TENM4: variants seen among roughly 807,000 people sequenced by gnomAD.
TENM4 encodes teneurin-4.
In TENM4, 82 loss-of-function variants were observed where a neutral mutation model predicts 243.3. The ratio of observed to expected loss-of-function variants is 0.34; its 90% CI spans 0.28 to 0.40. TENM4 has a LOEUF of 0.40. Ranked by LOEUF, TENM4 falls within the 10% of genes least tolerant of loss-of-function variation. The pLI is 1.00. For missense variants in TENM4, 3,138 were observed against 3,673.3 expected, an observed-to-expected ratio of 0.85 and a Z score of 3.77; for synonymous variants, 1,412 against 1,456.3, an observed-to-expected ratio of 0.97 and a Z score of 0.69.
intron 6 of TENM4, among the ~76,000 whole-genome samples, chr11:78,953,514 T>C (rs1857147333): frequency 6.6e-6 from 1 of 152,168 alleles, no homozygotes; most frequent in Non-Finnish European, 1.5e-5. Context: ...ATCCATATTT[T>C]CTCATTTATA....
rs2135670560 is a variant in TENM4 at position 78,669,782 on chromosome 11, T to C, written c.6563A>G (p.Asn2188Ser). The change falls in exon 32 of 34, where the codon AAT becomes AGT. Residue 2188 changes from asparagine (N) to serine (S), a missense_variant. Transcript: ENST00000278550. This position sits in a 1 kb window ranked among gnomAD's most constrained non-coding sequence, Gnocchi z 6.4. The stretch of plus-strand genomic sequence containing the variant: ...ATACTCATAGGAGTAGCGAGTGGTA[T>C]TGGCGTAGGGTCCTACCTTCAGCTC... ...KKELKVGPYANTTRYSYEYDA... is the reference protein window; with the variant it reads ...KKELKVGPYASTTRYSYEYDA... 6.2e-7 allele frequency: 1 copy of C among 1,613,954 alleles called. No individual in the cohort carries two copies. The highest frequency in any genetic ancestry group is 8.5e-7 in the Non-Finnish European group (1 of 1,179,886).
chr11:78,763,721 C>A (rs917103791), intron 18 of TENM4, among the ~76,000 whole-genome samples: 1 of 152,200 alleles, frequency 6.6e-6, no homozygotes. Context: ...GCCATGAGAC[C>A]TTGGGCACAC....
At chr11:78,878,275 G>A (rs1305847768) in intron 9 of TENM4, among the ~76,000 whole-genome samples, 4 of 152,026 alleles carry the variant, frequency 2.6e-5, no homozygotes, top group African/African-American at 4.8e-5. Context: ...CGCCAGACCC[G>A]GCACAAGAAG....
At chr11:79,158,896 C>T (rs962730782) in intron 3 of TENM4, among the ~76,000 whole-genome samples, 7 of 152,134 alleles carry the variant, frequency 4.6e-5, no homozygotes, top group Non-Finnish European at 8.8e-5. Context: ...CCTCCTCAGA[C>T]CATCACCTCT....
At chr11:78,845,173 G>A (rs868205136) in intron 12 of TENM4, among the ~76,000 whole-genome samples, 5 of 152,274 alleles carry the variant, frequency 3.3e-5, no homozygotes, top group Admixed American at 6.5e-5. Flanking sequence ...TGGTTCTCCC[G>A]ATTGATTATA....
At chr11:78,729,726 G>A (rs937644888) in intron 21 of TENM4, 83 bp from the exon 22 acceptor site, 11 of 1,501,108 alleles carry the variant, frequency 7.3e-6, no homozygotes, top group Admixed American at 2.1e-5. Context: ...CATGGACTCT[G>A]GGTGTTCAGG....
chr11:79,319,665 T>C (rs1856856532), intron 1 of TENM4, among the ~76,000 whole-genome samples: 3 of 151,994 alleles, frequency 2.0e-5, no homozygotes, highest in Admixed American at 2.0e-4. Flanking sequence ...TTTTCCTTTA[T>C]CCAGACGATA....
chr11:79,371,639 C>T (rs1397156521), intron 1 of TENM4, among the ~76,000 whole-genome samples: 1 of 152,198 alleles, frequency 6.6e-6, no homozygotes, highest in Non-Finnish European at 1.5e-5. Flanking sequence ...TAGCCATGCC[C>T]CTCCCCAGGT....
chr11:78,799,714 T>TA (rs1857241524), intron 15 of TENM4, among the ~76,000 whole-genome samples: 1 of 152,304 alleles, frequency 6.6e-6, no homozygotes, highest in Admixed American at 6.5e-5. Context: ...ACTGAATCTC[T>TA]AAAACATCTC....
At chr11:79,386,020 T>C (rs1002269030) in intron 1 of TENM4, among the ~76,000 whole-genome samples, 4 of 152,266 alleles carry the variant, frequency 2.6e-5, no homozygotes, top group Admixed American at 1.3e-4. Flanking sequence ...ACTCAAATTC[T>C]TTCTATTATA....
intron 9 of TENM4, among the ~76,000 whole-genome samples, chr11:78,865,585 G>A (rs1422071767): frequency 1.3e-5 from 2 of 152,112 alleles, no homozygotes; most frequent in East Asian, 3.9e-4. Flanking sequence ...CACTGATGGT[G>A]GTTTTGAGGG....
At chr11:79,159,827 T>C (rs949678624) in intron 3 of TENM4, among the ~76,000 whole-genome samples, 7 of 152,218 alleles carry the variant, frequency 4.6e-5, no homozygotes, top group African/African-American at 1.7e-4. Context: ...CATTTACAGA[T>C]GCCTTCCACT....
intron 9 of TENM4, among the ~76,000 whole-genome samples, chr11:78,873,598 T>C (rs1013899418): frequency 6.6e-6 from 1 of 152,332 alleles, no homozygotes; most frequent in African/African-American, 2.4e-5. Flanking sequence ...GGTATCAAGC[T>C]GTGAAAATGT....
chr11:79,396,104 T>C (rs116914487), intron 1 of TENM4, among the ~76,000 whole-genome samples: 1,631 of 152,274 alleles, frequency 0.011, 11 homozygotes, highest in Middle Eastern at 0.034. Flanking sequence ...TTCCCATCCA[T>C]CTCTAGTACT....
intron 4 of TENM4, among the ~76,000 whole-genome samples, chr11:79,138,560 TACATAAAACATATATTTATATA>T (rs1862169658): frequency 3.8e-5 from 1 of 26,056 alleles, no homozygotes; most frequent in African/African-American, 1.9e-4. Flanking sequence ...TTTATATAAA[TACATAAAACATATATTTATATA>T]AATACATAAA....
At chr11:78,903,903 G>C in intron 6 of TENM4, 1 of 512,070 alleles carries the variant, frequency 2.0e-6, no homozygotes, top group South Asian at 1.6e-5. Context: ...GAACTTGTTA[G>C]AGATGAAAAT....
rs201932262 is a variant in TENM4, at chr11:79,421,901, G to T, written c.-321+18608C>A. Among the ~76,000 whole-genome samples, 5 of 152,160 alleles carry T rather than the reference G, an allele frequency of 3.3e-5. No homozygotes were observed. The East Asian group carries it at 9.7e-4, about 29-fold the overall frequency. ...CCTGTTGTCGGGGTGGTTTAGAGCT[G>T]CCAATCATCACCCCCTTCAATGAGG... On this transcript the variant is annotated intron_variant, in intron 1 of 33. Coordinates refer to ENST00000278550, the MANE Select transcript of TENM4 (RefSeq NM_001098816.3).
intron 9 of TENM4, among the ~76,000 whole-genome samples, chr11:78,870,461 A>G (rs1340621292): frequency 1.3e-5 from 2 of 152,200 alleles, no homozygotes; most frequent in Non-Finnish European, 2.9e-5. Context: ...TTTTAAAAGC[A>G]TGATTGCTAT....
rs1259855872 is a variant in TENM4, at chr11:79,107,721, T to C, written c.-65-37712A>G. ...TAGTCACTTCACTGAGGCATGGATG[T>C]GTCTAATGCCCTTGATGCCACACGC... On this transcript the variant is annotated intron_variant, in intron 4 of 33. Transcript: ENST00000278550. 2.6e-5 allele frequency among the ~76,000 whole-genome samples: 4 copies of C among 152,242 alleles called. No individual in the cohort carries two copies. In the East Asian group the frequency reaches 7.7e-4, roughly 29 times the overall value.
Sources: allele counts gnomAD v4.1 joint callset (sites outside exome capture counted in the v4.1 genomes callset), GRCh38; gene constraint gnomAD v4.1.1; non-coding constraint Gnocchi (gnomAD v3.1); transcripts MANE v1.5; gene names NCBI Gene and HGNC (gene_info 2026-07-23, HGNC 2026-07-21).